The following TACR1 variants were observed in gnomAD, a reference collection of about 807,000 sequenced individuals.
TACR1 encodes the protein substance-P receptor.
In TACR1, 25 loss-of-function variants were observed where a neutral mutation model predicts 35.8. The ratio of observed to expected loss-of-function variants is 0.70; its 90% CI spans 0.51 to 0.98. The LOEUF is 0.98. Among genes scored for constraint, TACR1 ranks in the 50% least tolerant of loss-of-function variants. The pLI is 0.00. For synonymous variants in TACR1, 195 were observed against 206.7 expected (o/e 0.94, Z 0.48); for missense variants, 478 against 522.9 (o/e 0.91, Z 0.84).
At chr2:75,068,063 C>T (rs558552461) in intron 2 of TACR1, among the ~76,000 whole-genome samples, 1 of 152,290 alleles carries the variant, frequency 6.6e-6, no homozygotes, top group Non-Finnish European at 1.5e-5. Context: ...GGGTTCTCTG[C>T]AGAAACAGAG....
intron 2 of TACR1, among the ~76,000 whole-genome samples, chr2:75,066,659 T>C (rs949313403): frequency 6.6e-6 from 1 of 152,194 alleles, no homozygotes; most frequent in Non-Finnish European, 1.5e-5. Flanking sequence ...CTCGGTTAAC[T>C]GAAATATGTG....
At chr2:75,129,704 G>A (rs1193085027) in intron 1 of TACR1, among the ~76,000 whole-genome samples, 1 of 152,086 alleles carries the variant, frequency 6.6e-6, no homozygotes, top group Non-Finnish European at 1.5e-5. Flanking sequence ...CCATTCCATT[G>A]GGCCTGGCAG....
intron 2 of TACR1, among the ~76,000 whole-genome samples, chr2:75,070,215 A>ATG (rs1558542445): frequency 1.1e-5 from 1 of 92,926 alleles, no homozygotes; most frequent in African/African-American, 6.5e-5. Context: ...CCAACATTGT[A>ATG]TGTATGTGTG....
At chr2:75,137,365 G>A (rs939306921) in intron 1 of TACR1, among the ~76,000 whole-genome samples, 3 of 152,154 alleles carry the variant, frequency 2.0e-5, no homozygotes, top group Non-Finnish European at 4.4e-5. Flanking sequence ...TATAGGTAGA[G>A]TGGTCACGCA....
At chr2:75,082,874 T>C (rs1673117947) in intron 2 of TACR1, among the ~76,000 whole-genome samples, 1 of 152,208 alleles carries the variant, frequency 6.6e-6, no homozygotes, top group Admixed American at 6.5e-5. Context: ...ATTCTGTAGG[T>C]TGCCTATTCA....
chr2:75,130,182 C>A (rs1237765343), intron 1 of TACR1, among the ~76,000 whole-genome samples: 1 of 152,166 alleles, frequency 6.6e-6, no homozygotes, highest in Non-Finnish European at 1.5e-5. Context: ...GCACCCCAGG[C>A]AAATGCTACA....
rs180930072 is a variant in TACR1 at position 75,058,120 on chromosome 2, T to C, written c.585-4365A>G. ...ATTGCTTAGATAAACCCCATTTACATAGAAATTACAAATGCTCAATCCAAA... is the reference window on the plus strand; with the variant it reads ...ATTGCTTAGATAAACCCCATTTACACAGAAATTACAAATGCTCAATCCAAA... On this transcript the variant is annotated intron_variant, in intron 2 of 4. Coordinates refer to ENST00000305249, the MANE Select transcript of TACR1 (RefSeq NM_001058.4). Among the ~76,000 whole-genome samples the C allele has an allele frequency of 7.9e-5, 12 of 152,316 alleles. No individual in the cohort carries two copies. In the East Asian group the frequency reaches 1.5e-3, roughly 20 times the overall value.
chr2:75,098,518 A>G (rs771576785), intron 2 of TACR1, among the ~76,000 whole-genome samples: 1 of 152,186 alleles, frequency 6.6e-6, no homozygotes, highest in Non-Finnish European at 1.5e-5. Context: ...GTCTGATGAG[A>G]AAGATGAAGA....
chr2:75,120,609 T>G lies in TACR1; in HGVS notation c.549A>C (p.Glu183Asp). 1 of 1,610,242 alleles carries G rather than the reference T, an allele frequency of 6.2e-7. No individual in the cohort carries two copies. The highest frequency in any genetic ancestry group is 1.1e-5 in the South Asian group (1 of 90,236). ...TMPSRVVCMIEWPEHPNKIYE... is the reference protein window; with the variant it reads ...TMPSRVVCMIDWPEHPNKIYE... Reference sequence around the variant, plus strand: ...AAATCTTGTTCGGATGCTCTGGCCATTCGATCATGCACACGACTCTGCTGG... The same window carrying G: ...AAATCTTGTTCGGATGCTCTGGCCAGTCGATCATGCACACGACTCTGCTGG... Residue 183 changes from glutamate to aspartate, a missense_variant, in exon 2 of 5, where the codon GAA becomes GAC. Coordinates refer to ENST00000305249, the MANE Select transcript of TACR1 (RefSeq NM_001058.4).
At chr2:75,109,757 G>A (rs1287857954) in intron 2 of TACR1, among the ~76,000 whole-genome samples, 2 of 152,176 alleles carry the variant, frequency 1.3e-5, no homozygotes, top group African/African-American at 2.4e-5. Flanking sequence ...AGAGGAAGCC[G>A]TGAAGAGCAG....
At chr2:75,081,199 TAAACA>T (rs1256498591) in intron 2 of TACR1, among the ~76,000 whole-genome samples, 1 of 152,142 alleles carries the variant, frequency 6.6e-6, no homozygotes, top group Non-Finnish European at 1.5e-5. Flanking sequence ...TGTAAATTAG[TAAACA>T]AAACAAGACT....
chr2:75,195,482 C>A (rs1675947666), intron 1 of TACR1, among the ~76,000 whole-genome samples: 1 of 151,826 alleles, frequency 6.6e-6, no homozygotes, highest in Admixed American at 6.6e-5. Context: ...TAAATTAGTA[C>A]TGCAATCTGC....
At chr2:75,067,522 T>G (rs1672787901) in intron 2 of TACR1, among the ~76,000 whole-genome samples, 1 of 152,092 alleles carries the variant, frequency 6.6e-6, no homozygotes, top group South Asian at 2.1e-4. Flanking sequence ...TGAAGTATAG[T>G]GGGGAAGACA....
chr2:75,133,016 A>C (rs1572948602), intron 1 of TACR1, among the ~76,000 whole-genome samples: 2 of 152,154 alleles, frequency 1.3e-5, no homozygotes, highest in East Asian at 1.9e-4. Flanking sequence ...TTTGGTTTCC[A>C]ACTTTAAGGG....
intron 2 of TACR1, chr2:75,118,947 GAAT>G (rs1232369784): frequency 2.0e-5 from 3 of 152,174 alleles, no homozygotes; most frequent in African/African-American, 7.2e-5. Context: ...TCATCTGAAA[GAAT>G]AATTTTCGAT....
At chr2:75,127,571 A>G (rs899746862) in intron 1 of TACR1, among the ~76,000 whole-genome samples, 7 of 152,210 alleles carry the variant, frequency 4.6e-5, no homozygotes, top group African/African-American at 1.7e-4. Flanking sequence ...GTGCAAAGTC[A>G]GATGGATTTG....
intron 2 of TACR1, among the ~76,000 whole-genome samples, chr2:75,054,358 GT>G (rs1191435515): frequency 6.6e-6 from 1 of 152,220 alleles, no homozygotes; most frequent in African/African-American, 2.4e-5. Context: ...AGAGATAAGA[GT>G]AATCCTAGAA....
intron 2 of TACR1, among the ~76,000 whole-genome samples, chr2:75,087,795 A>T (rs1673216887): frequency 1.3e-5 from 2 of 152,176 alleles, no homozygotes; most frequent in African/African-American, 4.8e-5. Context: ...GAAAATTTGA[A>T]ATGTTTTTGA....
chr2:75,073,459 C>T (rs1558543603), intron 2 of TACR1, among the ~76,000 whole-genome samples: 3 of 152,166 alleles, frequency 2.0e-5, no homozygotes, highest in Non-Finnish European at 4.4e-5. Flanking sequence ...GGGGACCATA[C>T]ATGAGGTTGG....
Sources: gnomAD v4.1 joint callset for allele counts (sites outside exome capture counted in the v4.1 genomes callset) on GRCh38, gnomAD v4.1.1 for gene constraint, MANE v1.5 for transcripts, NCBI Gene and HGNC (gene_info 2026-07-23, HGNC 2026-07-21) for gene names.